CHLSN: variants seen among roughly 807,000 people sequenced by gnomAD.
CHLSN encodes cholesin, also known as protein cholesin.
chr7:1,009,024 C>T, the CHLSN span, among the ~76,000 whole-genome samples: 2 of 87,690 alleles, frequency 2.3e-5, no homozygotes, highest in Non-Finnish European at 4.3e-5. Flanking sequence ...CATACACATG[C>T]ACACACGTAC....
At chr7:1,073,892 G>A in the CHLSN span, among the ~76,000 whole-genome samples, 1 of 23,210 alleles carries the variant, frequency 4.3e-5, no homozygotes, top group Non-Finnish European at 7.6e-5. Flanking sequence ...CCCGCACCCC[G>A]CTGCTGTCAC....
At chr7:1,019,524 A>G in the CHLSN span, among the ~76,000 whole-genome samples, 6 of 152,336 alleles carry the variant, frequency 3.9e-5, no homozygotes, top group South Asian at 4.1e-4. Flanking sequence ...TCCTCACTGC[A>G]GCACCCGGGC....
At chr7:985,610 C>T in the CHLSN span, among the ~76,000 whole-genome samples, 1 of 152,172 alleles carries the variant, frequency 6.6e-6, no homozygotes. Context: ...GCAGGCATGG[C>T]TTCCCCAGAA....
At chr7:991,122 G>T in the CHLSN span, among the ~76,000 whole-genome samples, 2 of 152,166 alleles carry the variant, frequency 1.3e-5, no homozygotes, top group South Asian at 4.2e-4. Context: ...CGAGGCCCAC[G>T]TGGGGAGGAA....
At chr7:1,116,483 A>G in the CHLSN span, among the ~76,000 whole-genome samples, 391 of 76,422 alleles carry the variant, frequency 5.1e-3, 1 homozygote, top group African/African-American at 0.011. Flanking sequence ...TTCTAGGACC[A>G]GCTTCCATCA....
At chr7:981,910 G>A in the CHLSN span, among the ~76,000 whole-genome samples, 1 of 152,096 alleles carries the variant, frequency 6.6e-6, no homozygotes, top group Non-Finnish European at 1.5e-5. Context: ...GTGCATGCCT[G>A]TAGTCCCAGC....
the CHLSN span, among the ~76,000 whole-genome samples, chr7:1,000,864 G>T: frequency 2.6e-5 from 4 of 152,228 alleles, no homozygotes; most frequent in Admixed American, 2.0e-4. Flanking sequence ...TTTTACAGGG[G>T]GGGAAGGATG....
chr7:1,100,833 C>T, the CHLSN span, among the ~76,000 whole-genome samples: 4 of 152,172 alleles, frequency 2.6e-5, no homozygotes, highest in African/African-American at 7.2e-5. Flanking sequence ...CAGGCAGAGA[C>T]GACACCCCGA....
the CHLSN span, among the ~76,000 whole-genome samples, chr7:1,015,205 G>T: frequency 2.6e-5 from 4 of 152,270 alleles, no homozygotes; most frequent in South Asian, 8.3e-4. Flanking sequence ...GTTTGGGGGG[G>T]CTGAGGGGTG....
chr7:1,058,043 A>G, the CHLSN span: 1 of 768,816 alleles, frequency 1.3e-6, no homozygotes, highest in Non-Finnish European at 2.4e-6. Flanking sequence ...CCCGCGCGCT[A>G]GAGTGCGCCA....
the CHLSN span, among the ~76,000 whole-genome samples, chr7:1,018,044 C>T: frequency 5.9e-5 from 9 of 152,328 alleles, no homozygotes; most frequent in Non-Finnish European, 1.2e-4. Flanking sequence ...GGGGCTCAGA[C>T]GTTCCCACAC....
the CHLSN span, among the ~76,000 whole-genome samples, chr7:1,089,769 T>G: frequency 6.6e-6 from 1 of 150,636 alleles, no homozygotes; most frequent in Non-Finnish European, 1.5e-5. Flanking sequence ...ATCTCTAGTC[T>G]GGTTTTGCAG....
chr7:1,017,643 T>C, the CHLSN span, among the ~76,000 whole-genome samples: 1 of 152,200 alleles, frequency 6.6e-6, no homozygotes, highest in Admixed American at 6.5e-5. Flanking sequence ...ACGGACTCAA[T>C]GCTTACGAAC....
the CHLSN span, among the ~76,000 whole-genome samples, chr7:1,109,040 C>A: frequency 6.6e-6 from 1 of 152,062 alleles, no homozygotes; most frequent in Non-Finnish European, 1.5e-5. Flanking sequence ...GGATCACAGG[C>A]GCCCCACCAT....
the CHLSN span, among the ~76,000 whole-genome samples, chr7:1,027,643 C>G: frequency 5.9e-5 from 9 of 152,402 alleles, no homozygotes; most frequent in African/African-American, 1.9e-4. Flanking sequence ...CATCATGAGT[C>G]TTTGCTTTAG....
the CHLSN span, among the ~76,000 whole-genome samples, chr7:990,732 C>T: frequency 6.6e-6 from 1 of 152,174 alleles, no homozygotes; most frequent in Non-Finnish European, 1.5e-5. Context: ...GTGCTGGCTT[C>T]ACTATTCTCC....
chr7:1,010,170 T>A, the CHLSN span: 49 of 1,591,066 alleles, frequency 3.1e-5, no homozygotes, highest in East Asian at 1.0e-3. Context: ...ACATTAGGCT[T>A]CGGGGATGGA....
At chr7:1,008,573 A>G in the CHLSN span, among the ~76,000 whole-genome samples, 1 of 152,082 alleles carries the variant, frequency 6.6e-6, no homozygotes, top group East Asian at 1.9e-4. Context: ...ACCCAACGCT[A>G]TGGCTGAGCT....
chr7:1,105,347 G>A, the CHLSN span, among the ~76,000 whole-genome samples: 6,495 of 152,306 alleles, frequency 0.043, 167 homozygotes, highest in East Asian at 0.066. Flanking sequence ...GCCGCCGGCC[G>A]GCTGTGGAAC....
Sources: gnomAD v4.1 joint callset for allele counts (sites outside exome capture counted in the v4.1 genomes callset) on GRCh38, gnomAD v4.1.1 for gene constraint, MANE v1.5 for transcripts, NCBI Gene and HGNC (gene_info 2026-07-23, HGNC 2026-07-21) for gene names.